The following CSTF3 variants were observed in gnomAD, a reference collection of about 807,000 sequenced individuals.
The protein encoded by CSTF3 is CF-1 77 kDa subunit.
A neutral mutation model predicts 105.8 loss-of-function variants in CSTF3; 29 were observed. The ratio of observed to expected loss-of-function variants is 0.27; its 90% CI spans 0.20 to 0.37. The LOEUF is 0.37. Among genes scored for constraint, CSTF3 ranks in the 10% least tolerant of loss-of-function variants. The pLI is 1.00. For missense variants in CSTF3, 357 were observed against 879.3 expected (o/e 0.41, Z 7.51); for synonymous variants, 252 against 281.9 (o/e 0.89, Z 1.06).
chr11:33,135,235 T>C (rs1174591250), intron 3 of CSTF3, among the ~76,000 whole-genome samples: 3 of 152,182 alleles, frequency 2.0e-5, no homozygotes, highest in African/African-American at 7.2e-5. Flanking sequence ...TGACCCTGAC[T>C]GTGAATCTAA....
At chr11:33,092,246 T>A in intron 16 of CSTF3, 25 bp downstream of exon 16, 2 of 1,549,034 alleles carry the variant, frequency 1.3e-6, no homozygotes, top group Non-Finnish European at 1.7e-6. Context: ...TAGAACCTGA[T>A]CAACAACTTT....
chr11:33,123,186 GA>G (rs960743307), intron 3 of CSTF3, among the ~76,000 whole-genome samples: 37 of 134,536 alleles, frequency 2.8e-4, no homozygotes, highest in Admixed American at 7.4e-4. Context: ...TTGTAAAGAT[GA>G]AAAAAAAAAA....
intron 5 of CSTF3, 60 bp from the exon 6 acceptor site, chr11:33,106,124 A>G: frequency 7.6e-7 from 1 of 1,319,346 alleles, no homozygotes; most frequent in Non-Finnish European, 1.1e-6. Flanking sequence ...TTTATCTACA[A>G]TTAGGCCAGA....
intron 17 of CSTF3, 104 bp downstream of exon 17, chr11:33,090,427 TA>T: frequency 1.4e-6 from 1 of 712,398 alleles, no homozygotes; most frequent in Non-Finnish European, 2.1e-6. Context: ...AAATCTATTC[TA>T]AAACTAGATT....
At chr11:33,158,842 CAACAAAAAACAAAT>C (rs1849899559) in intron 1 of CSTF3, among the ~76,000 whole-genome samples, 1 of 151,958 alleles carries the variant, frequency 6.6e-6, no homozygotes, top group Non-Finnish European at 1.5e-5. Flanking sequence ...AGCAAACAAA[CAACAAAAAACAAAT>C]ACACCCAGAA....
intron 3 of CSTF3, among the ~76,000 whole-genome samples, chr11:33,126,470 C>G (rs1479866401): frequency 6.6e-6 from 1 of 151,904 alleles, no homozygotes; most frequent in African/African-American, 2.4e-5. Context: ...AAGTATAAAT[C>G]TTTCTCTTAT....
rs1406366178 is a variant in CSTF3, at chr11:33,086,987, C to T, written c.1795+1G>A. 6 of 1,613,828 alleles carry T rather than the reference C, an allele frequency of 3.7e-6. No homozygotes were observed. Among genetic ancestry groups the T allele is most frequent in the African/African-American group, 1.3e-5 (1 of 74,892 alleles). ...GTACTGGATCTAAAGTCATGGCTTA[C>T]GTGCTAAATGTCGTGGCTGAAATGG... On this transcript the variant is annotated splice_donor_variant, in intron 18 of 20. Coordinates refer to ENST00000323959, the MANE Select transcript of CSTF3 (RefSeq NM_001326.3). LOFTEE classifies it high-confidence loss of function.
At chr11:33,160,169 T>C (rs1315621765) in intron 1 of CSTF3, among the ~76,000 whole-genome samples, 2 of 152,028 alleles carry the variant, frequency 1.3e-5, no homozygotes, top group South Asian at 2.1e-4. Context: ...TGCTTGGGCA[T>C]GCTAACACTA....
chr11:33,131,847 C>CA (rs911498234), intron 3 of CSTF3, among the ~76,000 whole-genome samples: 24 of 151,920 alleles, frequency 1.6e-4, no homozygotes, highest in African/African-American at 5.8e-4. Context: ...GACTCCGTCT[C>CA]AAAAAAACAA....
chr11:33,134,193 T>G (rs1011670140), intron 3 of CSTF3, among the ~76,000 whole-genome samples: 1 of 152,220 alleles, frequency 6.6e-6, no homozygotes, highest in Non-Finnish European at 1.5e-5. Context: ...CAAAGTAATT[T>G]CAAAATAAAG....
At chr11:33,105,526 T>C (rs1192940596) in intron 8 of CSTF3, 41 bp downstream of exon 8, 1 of 1,544,218 alleles carries the variant, frequency 6.5e-7, no homozygotes, top group East Asian at 2.3e-5. Context: ...GAAATTAAAA[T>C]GGCTTGGTTT....
At chr11:33,137,618 T>A (rs1855668694) in intron 3 of CSTF3, among the ~76,000 whole-genome samples, 1 of 151,886 alleles carries the variant, frequency 6.6e-6, no homozygotes, top group Admixed American at 6.6e-5. Context: ...TTTCTTGTAA[T>A]ACATCTCTAT....
At chr11:33,145,085 A>T (rs2133801790) in intron 1 of CSTF3, 1 of 152,654 alleles carries the variant, frequency 6.6e-6, no homozygotes, top group East Asian at 1.9e-4. Flanking sequence ...CCTCCAACAC[A>T]TGACAAAAAT....
At chr11:33,098,853 C>T (rs1336482519) in intron 12 of CSTF3, 89 bp from the exon 13 acceptor site, 9 of 1,242,360 alleles carry the variant, frequency 7.2e-6, no homozygotes, top group Non-Finnish European at 1.0e-5. Flanking sequence ...TATAACCTCC[C>T]ACCCCCAATG....
At chr11:33,087,225 T>C in intron 17 of CSTF3, 84 bp from the exon 18 acceptor site, 1 of 1,416,500 alleles carries the variant, frequency 7.1e-7, no homozygotes, top group South Asian at 1.2e-5. Flanking sequence ...GGATACAGTG[T>C]GAATATCTGG....
At chr11:33,109,396 G>A (rs953269132) in intron 3 of CSTF3, among the ~76,000 whole-genome samples, 2 of 152,172 alleles carry the variant, frequency 1.3e-5, no homozygotes, top group African/African-American at 4.8e-5. Context: ...GCTGATGACA[G>A]TCTTTTTTGC....
intron 1 of CSTF3, among the ~76,000 whole-genome samples, chr11:33,148,030 G>C (rs1855805748): frequency 6.6e-6 from 1 of 152,134 alleles, no homozygotes; most frequent in African/African-American, 2.4e-5. Context: ...TGCATTTAGA[G>C]AGCTATTTAA....
chr11:33,091,065 C>G (rs931192996), intron 16 of CSTF3, among the ~76,000 whole-genome samples: 2 of 151,976 alleles, frequency 1.3e-5, no homozygotes, highest in East Asian at 1.9e-4. Context: ...ATGAGACTTA[C>G]CTTAGAGAGG....
intron 9 of CSTF3, 49 bp from the exon 10 acceptor site, chr11:33,102,388 A>G: frequency 6.3e-7 from 1 of 1,585,532 alleles, no homozygotes; most frequent in Non-Finnish European, 8.6e-7. Flanking sequence ...AACAACTGAG[A>G]TATATGGCGG....
Sources: allele counts gnomAD v4.1 joint callset (sites outside exome capture counted in the v4.1 genomes callset), GRCh38; gene constraint gnomAD v4.1.1; transcripts MANE v1.5; gene names NCBI Gene and HGNC (gene_info 2026-07-23, HGNC 2026-07-21).